Variants in SOX6 observed in about 807,000 individuals in gnomAD.
The protein encoded by SOX6 is transcription factor SOX-6.
Under a neutral mutation model 97.8 loss-of-function variants are expected in SOX6, and 11 were observed. The observed-to-expected ratio is 0.11, with a 90% CI of 0.07 to 0.19. SOX6 has a LOEUF of 0.19. Among genes scored for constraint, SOX6 ranks in the 10% least tolerant of loss-of-function variants. The pLI, the probability that SOX6 is intolerant of heterozygous loss-of-function variation, is 1.00. For missense variants in SOX6, 810 were observed against 1,039.5 expected (o/e 0.78, Z 3.04); for synonymous variants, 360 against 371.4 (o/e 0.97, Z 0.35).
chr11:16,516,635 T>C (rs1860979186), intron 4 of SOX6, among the ~76,000 whole-genome samples: 1 of 151,030 alleles, frequency 6.6e-6, no homozygotes, highest in Non-Finnish European at 1.5e-5. Flanking sequence ...CAGGAAGAAG[T>C]TGAATCTCTG....
chr11:15,986,058 C>A (rs559285898), intron 15 of SOX6, 146 bp downstream of exon 15: 8 of 819,746 alleles, frequency 9.8e-6, no homozygotes, highest in Non-Finnish European at 1.7e-5. Flanking sequence ...CCCTATGACA[C>A]AGCAAAGATT....
Position 16,014,994 on chromosome 11 carries a change from A to G in SOX6, c.1680T>C (p.Asp560=), listed in dbSNP as rs372094542. 5.6e-6 allele frequency: 9 copies of G among 1,612,854 alleles called. No homozygotes were observed. The highest frequency in any genetic ancestry group is 7.6e-6 in the Non-Finnish European group (9 of 1,179,340). Residue 560 remains aspartate, a synonymous_variant, in exon 13 of 16, where the codon GAT becomes GAC. Transcript: ENST00000683767. The stretch of plus-strand genomic sequence containing the variant: ...CGATGACACCTGGGCCCAGTTTTCC[A>G]TCTTCATTTGACTTTCCCGTTAACT... ...GPQLTGKSNE[D]GKLGPGVIDL...
chr11:16,485,147 T>C (rs922200761), intron 4 of SOX6, among the ~76,000 whole-genome samples: 3 of 152,200 alleles, frequency 2.0e-5, no homozygotes, highest in East Asian at 1.9e-4. Context: ...TGTAACTGAA[T>C]TGTAAATCAG....
At chr11:16,527,306 C>G (rs989648547) in intron 4 of SOX6, among the ~76,000 whole-genome samples, 1 of 152,070 alleles carries the variant, frequency 6.6e-6, no homozygotes, top group Non-Finnish European at 1.5e-5. Context: ...TTTCTTTACT[C>G]TTTTTTGTTG....
chr11:16,532,526 T>C (rs1861251490), intron 4 of SOX6, among the ~76,000 whole-genome samples: 1 of 151,956 alleles, frequency 6.6e-6, no homozygotes, highest in Non-Finnish European at 1.5e-5. Context: ...AACTGGTTTC[T>C]TGTAGTCTCC....
intron 13 of SOX6, among the ~76,000 whole-genome samples, chr11:15,996,595 G>A (rs1854234423): frequency 6.6e-6 from 1 of 151,928 alleles, no homozygotes; most frequent in African/African-American, 2.4e-5. Flanking sequence ...CCTGGGTGAT[G>A]GAACAAGACC....
In SOX6 at chr11:16,234,443, A is replaced by G. The variant is rs1852954218; in HGVS notation, c.535+139T>C. 3 of 558,174 alleles carry G rather than the reference A, an allele frequency of 5.4e-6. 1 individual carries two copies. In the African/African-American group the frequency reaches 5.8e-5, roughly 11 times the overall value. 34.6% of individuals were successfully genotyped at this position (558,174 alleles called of 1,614,324 possible). A position where few individuals can be genotyped will look rare whatever the true frequency, so the allele number is the denominator to read the frequency against. ...GCAAGGAATAAAAGCTCAGAAACCT[A>G]TAATATTCACCCTCTCATGTACAAT... On this transcript the variant is annotated intron_variant, in intron 4 of 15. Coordinates refer to ENST00000683767, the MANE Select transcript of SOX6 (RefSeq NM_001367873.1).
At chr11:16,562,680 C>G (rs778446332) in intron 4 of SOX6, among the ~76,000 whole-genome samples, 1 of 152,134 alleles carries the variant, frequency 6.6e-6, no homozygotes, top group Admixed American at 6.5e-5. Context: ...CCAGTAGCAT[C>G]CCCATACCTG....
At chr11:16,734,507 C>G (rs1405189969) in intron 2 of SOX6, among the ~76,000 whole-genome samples, 1 of 152,132 alleles carries the variant, frequency 6.6e-6, no homozygotes, top group Non-Finnish European at 1.5e-5. Context: ...TCTTCTCCTT[C>G]TTGTTCTTTT....
At chr11:15,973,228 A>T in intron 15 of SOX6, 116 bp from the exon 16 acceptor site, 2 of 988,728 alleles carry the variant, frequency 2.0e-6, no homozygotes, top group Non-Finnish European at 3.0e-6. Context: ...TAAATGTTAA[A>T]TAACATTCTA....
chr11:16,340,958 G>C, intron 2 of SOX6, 54 bp downstream of exon 2: 2 of 1,609,768 alleles, frequency 1.2e-6, no homozygotes, highest in Non-Finnish European at 8.5e-7. Context: ...TATTTATAAT[G>C]AGGACATTCT....
At chr11:16,440,281 C>T (rs571739624) in intron 1 of SOX6, among the ~76,000 whole-genome samples, 1 of 152,250 alleles carries the variant, frequency 6.6e-6, no homozygotes, top group South Asian at 2.1e-4. Context: ...TAGAACATGT[C>T]AGGAAGAATT....
intron 3 of SOX6, among the ~76,000 whole-genome samples, chr11:16,635,215 C>T (rs1041374714): frequency 3.3e-5 from 5 of 152,214 alleles, no homozygotes; most frequent in East Asian, 1.9e-4. Flanking sequence ...AGAACAATTT[C>T]GAGGGTTCAG....
chr11:16,216,385 G>A (rs895770979), intron 4 of SOX6, among the ~76,000 whole-genome samples: 2 of 152,020 alleles, frequency 1.3e-5, no homozygotes, highest in African/African-American at 2.4e-5. Flanking sequence ...ATTCCTTCTC[G>A]AAAAGAAGGA....
intron 15 of SOX6, among the ~76,000 whole-genome samples, chr11:15,975,558 G>C (rs761242433): frequency 6.6e-6 from 1 of 152,114 alleles, no homozygotes; most frequent in Admixed American, 6.6e-5. Context: ...ATATCAATAG[G>C]TCTACTGAAT....
intron 12 of SOX6, among the ~76,000 whole-genome samples, chr11:16,028,558 C>T (rs775325400): frequency 6.6e-6 from 1 of 152,172 alleles, no homozygotes; most frequent in African/African-American, 2.4e-5. Context: ...CATTATTATT[C>T]CATGTTATTT....
chr11:16,695,152 G>C (rs1234377470), intron 3 of SOX6, among the ~76,000 whole-genome samples: 5 of 152,054 alleles, frequency 3.3e-5, no homozygotes, highest in African/African-American at 1.2e-4. Context: ...TTCACCAAAG[G>C]AAAAAGATCT....
At chr11:16,453,476 C>T (rs185232745) in intron 1 of SOX6, among the ~76,000 whole-genome samples, 2 of 152,124 alleles carry the variant, frequency 1.3e-5, no homozygotes, top group African/African-American at 4.8e-5. Flanking sequence ...AACCTTTGTA[C>T]CAACAAATAA....
intron 4 of SOX6, among the ~76,000 whole-genome samples, chr11:16,526,475 G>A (rs1590233847): frequency 6.6e-6 from 1 of 151,676 alleles, no homozygotes; most frequent in Non-Finnish European, 1.5e-5. Flanking sequence ...ACACTCCGGG[G>A]CCTGTTGTGG....
Sources: allele counts gnomAD v4.1 joint callset (sites outside exome capture counted in the v4.1 genomes callset), GRCh38; gene constraint gnomAD v4.1.1; transcripts MANE v1.5; gene names NCBI Gene and HGNC (gene_info 2026-07-23, HGNC 2026-07-21).